Variants in PTPRD observed in about 807,000 individuals in gnomAD.
PTPRD encodes protein tyrosine phosphatase receptor type D.
A neutral mutation model predicts 214.5 loss-of-function variants in PTPRD; 34 were observed. The ratio of observed to expected loss-of-function variants is 0.16; its 90% CI spans 0.12 to 0.21. PTPRD has a LOEUF of 0.21. Among genes scored for constraint, PTPRD ranks in the 10% least tolerant of loss-of-function variants. The pLI is 1.00. For synonymous variants in PTPRD, 1,128 were observed against 845.7 expected (o/e 1.33, Z -5.79); for missense variants, 2,545 against 2,398.7 (o/e 1.06, Z -1.27).
At chr9:8,750,465 T>TC (rs1350587619) in intron 11 of PTPRD, among the ~76,000 whole-genome samples, 1 of 151,678 alleles carries the variant, frequency 6.6e-6, no homozygotes, top group Non-Finnish European at 1.5e-5. Context: ...GCCAAGTAAG[T>TC]TTTTTTTAAG....
In PTPRD at chr9:9,870,301, A is replaced by G. The variant is rs139150522; in HGVS notation, c.-368+68206T>C. Among the ~76,000 whole-genome samples the G allele has an allele frequency of 5.0e-3, 761 of 152,190 alleles. 6 individuals are homozygous for G. Among genetic ancestry groups the G allele is most frequent in the Middle Eastern group, 0.02 (6 of 294 alleles). On this transcript the variant is annotated intron_variant, in intron 5 of 45. Coordinates refer to ENST00000381196, the MANE Select transcript of PTPRD (RefSeq NM_002839.4). ...CAATTATAATGATAGATTTCAATAT[A>G]TCATTCTTCTTCAAAATCTCAATGG...
At chr9:8,765,193 C>G (rs1431011275) in intron 11 of PTPRD, among the ~76,000 whole-genome samples, 4 of 152,206 alleles carry the variant, frequency 2.6e-5, no homozygotes, top group African/African-American at 9.7e-5. Context: ...CACAAATTAT[C>G]TGATACTCTT....
At chr9:9,896,897 T>C (rs1468672653) in intron 5 of PTPRD, among the ~76,000 whole-genome samples, 1 of 152,030 alleles carries the variant, frequency 6.6e-6, no homozygotes. Context: ...TAAGTGACAA[T>C]AATAAAAATT....
chr9:8,838,402 T>C (rs2097484958), intron 11 of PTPRD, among the ~76,000 whole-genome samples: 1 of 152,070 alleles, frequency 6.6e-6, no homozygotes, highest in African/African-American at 2.4e-5. Flanking sequence ...AGGGAAAAAA[T>C]TCACAATACA....
chr9:8,703,967 C>T (rs1467837463), intron 12 of PTPRD, among the ~76,000 whole-genome samples: 1 of 152,178 alleles, frequency 6.6e-6, no homozygotes, highest in Non-Finnish European at 1.5e-5. Context: ...GTGCTCTTAA[C>T]ACAAATCTGG....
intron 12 of PTPRD, among the ~76,000 whole-genome samples, chr9:8,728,168 T>G (rs1185036617): frequency 6.6e-6 from 1 of 152,102 alleles, no homozygotes; most frequent in African/African-American, 2.4e-5. Context: ...GAGAATCGCT[T>G]GAACCGAGGA....
chr9:9,972,621 GT>G (rs2095170417), intron 4 of PTPRD, among the ~76,000 whole-genome samples: 1 of 152,156 alleles, frequency 6.6e-6, no homozygotes, highest in Non-Finnish European at 1.5e-5. Context: ...TTATTGTACA[GT>G]TTTGGAGGTT....
chr9:8,618,408 T>A (rs992282080), intron 14 of PTPRD, among the ~76,000 whole-genome samples: 26 of 152,196 alleles, frequency 1.7e-4, no homozygotes, highest in Non-Finnish European at 2.4e-4. Flanking sequence ...ACAAAACTCA[T>A]GCTGGACTGT....
chr9:10,600,364 T>C (rs1249172485), intron 2 of PTPRD, among the ~76,000 whole-genome samples: 1 of 151,764 alleles, frequency 6.6e-6, no homozygotes, highest in Non-Finnish European at 1.5e-5. Flanking sequence ...TCAATGTAGA[T>C]TTTATGTTGT....
chr9:8,445,572 C>G (rs1277396139), intron 34 of PTPRD, among the ~76,000 whole-genome samples: 1 of 152,078 alleles, frequency 6.6e-6, no homozygotes, highest in African/African-American at 2.4e-5. Flanking sequence ...CCAGACTTAC[C>G]ATGTGAACAC....
At chr9:9,636,179 T>C (rs2095760215) in intron 7 of PTPRD, among the ~76,000 whole-genome samples, 1 of 152,176 alleles carries the variant, frequency 6.6e-6, no homozygotes, top group African/African-American at 2.4e-5. Context: ...TCCTCACTCA[T>C]TCAAACCCTA....
intron 7 of PTPRD, among the ~76,000 whole-genome samples, chr9:9,717,872 T>C (rs944095849): frequency 6.6e-6 from 1 of 152,032 alleles, no homozygotes; most frequent in Admixed American, 6.6e-5. Context: ...GGGCAAAAAA[T>C]ATATATTATT....
chr9:8,794,344 C>T (rs1433819796), intron 11 of PTPRD, among the ~76,000 whole-genome samples: 1 of 151,986 alleles, frequency 6.6e-6, no homozygotes, highest in Admixed American at 6.6e-5. Flanking sequence ...ATACTTAAGC[C>T]CATTTTACAT....
intron 3 of PTPRD, among the ~76,000 whole-genome samples, chr9:10,095,524 C>T (rs1423493979): frequency 1.3e-5 from 2 of 151,516 alleles, no homozygotes; most frequent in African/African-American, 4.8e-5. Flanking sequence ...AACTGCATTT[C>T]AATACAGAAG....
intron 7 of PTPRD, among the ~76,000 whole-genome samples, chr9:9,643,097 G>C (rs563658867): frequency 6.6e-6 from 1 of 152,130 alleles, no homozygotes; most frequent in African/African-American, 2.4e-5. Flanking sequence ...GATTTGAGTT[G>C]GTAGATTATG....
chr9:9,012,723 G>A (rs1272218134), intron 11 of PTPRD, among the ~76,000 whole-genome samples: 1 of 152,114 alleles, frequency 6.6e-6, no homozygotes, highest in Non-Finnish European at 1.5e-5. Flanking sequence ...CCATATGTAT[G>A]TATTTTTGCC....
chr9:8,552,315 A>G (rs2082347836), intron 14 of PTPRD, among the ~76,000 whole-genome samples: 1 of 152,200 alleles, frequency 6.6e-6, no homozygotes, highest in Non-Finnish European at 1.5e-5. Context: ...GTGCCTGTCA[A>G]AAAGGGAAAG....
intron 14 of PTPRD, among the ~76,000 whole-genome samples, chr9:8,556,421 A>G (rs963663614): frequency 6.6e-6 from 1 of 152,216 alleles, no homozygotes; most frequent in African/African-American, 2.4e-5. Flanking sequence ...TCTGTGGCCA[A>G]TCATGGACTT....
chr9:9,558,104 A>G (rs2081985649), intron 8 of PTPRD, among the ~76,000 whole-genome samples: 1 of 152,070 alleles, frequency 6.6e-6, no homozygotes, highest in African/African-American at 2.4e-5. Flanking sequence ...GTCCATCTGC[A>G]AGATGGACAG....
Sources: allele counts gnomAD v4.1 joint callset (sites outside exome capture counted in the v4.1 genomes callset), GRCh38; gene constraint gnomAD v4.1.1; transcripts MANE v1.5; gene names NCBI Gene and HGNC (gene_info 2026-07-23, HGNC 2026-07-21).